CNTNAP2: variants seen among roughly 807,000 people sequenced by gnomAD.
The protein encoded by CNTNAP2 is contactin-associated protein-like 2.
A neutral mutation model predicts 155.2 loss-of-function variants in CNTNAP2; 98 were observed. The observed-to-expected ratio is 0.63, with a 90% CI of 0.54 to 0.75. CNTNAP2 has a LOEUF of 0.75. Among genes scored for constraint, CNTNAP2 ranks in the 30% least tolerant of loss-of-function variants. CNTNAP2 has a pLI of 0.00. For synonymous variants in CNTNAP2, 651 were observed against 631.2 expected (o/e 1.03, Z -0.47); for missense variants, 1,727 against 1,688.1 (o/e 1.02, Z -0.40).
rs1425161311 is a variant in CNTNAP2 at position 146,563,331 on chromosome 7, A to G, written c.98-210940A>G. Among the ~76,000 whole-genome samples the G allele has an allele frequency of 4.6e-5, 7 of 152,136 alleles. No homozygotes were observed. In the East Asian group the frequency reaches 1.4e-3, roughly 29 times the overall value. On this transcript the variant is annotated intron_variant, in intron 1 of 23. Transcript: ENST00000361727. ...CTTTAAGGCTAACTGAGAGCCACAT[A>G]TTCAAAGAAGACTTCCAAACCATTA...
At position 147,633,620 on chromosome 7, in the gene CNTNAP2, G is replaced by A. The variant is rs116658607; in HGVS notation, c.1898-5486G>A. The stretch of plus-strand genomic sequence containing the variant: ...AATTATAGGTCCCATAATCCTATGC[G>A]AGGACCAGATGGAGTTAATTGAATC... On this transcript the variant is annotated intron_variant, in intron 12 of 23. Transcript: ENST00000361727. Among the ~76,000 whole-genome samples, 444 of 152,214 alleles carry A rather than the reference G, an allele frequency of 2.9e-3. 2 individuals carry two copies. Among genetic ancestry groups the A allele is most frequent in the African/African-American group, 1.0e-2 (414 of 41,532 alleles).
In CNTNAP2 at chr7:147,132,456, G is replaced by T. The variant is rs750991896; in HGVS notation, c.1295G>T (p.Gly432Val). ...VEIDLTESKV[G>V]VHINITQTKM... ...ATTGACCTCACTGAAAGCAAAGTGG[G>T]TGTTCACATCAACATCACACAGACC... is the stretch of plus-strand genomic sequence containing the variant. The change falls in exon 8 of 24, where the codon GGT becomes GTT. Residue 432 changes from glycine to valine, a missense_variant. Gly to Val is a moderately radical substitution (Grantham distance 109). Transcript: ENST00000361727. 1.9e-6 allele frequency: 3 copies of T among 1,613,646 alleles called. No individual in the cohort carries two copies. The highest frequency in any genetic ancestry group is 1.7e-5 in the Admixed American group (1 of 59,918).
chr7:148,393,111 T>A (rs991903546), intron 22 of CNTNAP2, among the ~76,000 whole-genome samples: 2 of 151,804 alleles, frequency 1.3e-5, no homozygotes, highest in African/African-American at 4.8e-5. Flanking sequence ...AAGAACTTTT[T>A]AAAATTACAT....
intron 8 of CNTNAP2, among the ~76,000 whole-genome samples, chr7:147,283,464 C>T (rs12531764): frequency 0.42 from 63,498 of 151,412 alleles, 14,043 homozygotes; most frequent in East Asian, 0.76. Context: ...TTAAGCAATA[C>T]GCAGCAAGTA....
At chr7:146,658,343 C>A (rs961920269) in intron 1 of CNTNAP2, among the ~76,000 whole-genome samples, 2 of 149,216 alleles carry the variant, frequency 1.3e-5, no homozygotes, top group South Asian at 2.1e-4. Context: ...GGTGTTTGAA[C>A]GGAGTTTTAA....
intron 9 of CNTNAP2, among the ~76,000 whole-genome samples, chr7:147,386,640 A>G (rs140696274): frequency 6.6e-6 from 1 of 152,124 alleles, no homozygotes; most frequent in Non-Finnish European, 1.5e-5. Flanking sequence ...TTCATTGTCC[A>G]TATCATTATC....
At chr7:146,430,689 C>G (rs918255033) in intron 1 of CNTNAP2, among the ~76,000 whole-genome samples, 1 of 152,004 alleles carries the variant, frequency 6.6e-6, no homozygotes, top group Non-Finnish European at 1.5e-5. Flanking sequence ...AATAGAAATA[C>G]AGGGTGATTA....
At chr7:146,840,543 G>A (rs929656591) in intron 3 of CNTNAP2, among the ~76,000 whole-genome samples, 80 of 151,758 alleles carry the variant, frequency 5.3e-4, no homozygotes, top group African/African-American at 1.9e-3. Context: ...ATTTTAAAAA[G>A]CAGGCATGAC....
chr7:147,225,918 GGAAA>G (rs1271081199), intron 8 of CNTNAP2, among the ~76,000 whole-genome samples: 8 of 116,030 alleles, frequency 6.9e-5, no homozygotes, highest in East Asian at 4.3e-4. Context: ...AAGGAAGGAA[GGAAA>G]GAAGGAAGGA....
At chr7:146,754,569 T>C (rs542376841) in intron 1 of CNTNAP2, among the ~76,000 whole-genome samples, 1 of 151,824 alleles carries the variant, frequency 6.6e-6, no homozygotes, top group East Asian at 1.9e-4. Flanking sequence ...TCTCTCTCTC[T>C]CTCTCTCTCT....
At chr7:146,570,845 A>C (rs1798430380) in intron 1 of CNTNAP2, among the ~76,000 whole-genome samples, 1 of 152,022 alleles carries the variant, frequency 6.6e-6, no homozygotes, top group Non-Finnish European at 1.5e-5. Flanking sequence ...GAATATAGCC[A>C]AAACTTTGAA....
chr7:147,300,930 G>C (rs961032793), intron 9 of CNTNAP2, among the ~76,000 whole-genome samples: 1 of 151,972 alleles, frequency 6.6e-6, no homozygotes, highest in African/African-American at 2.4e-5. Context: ...GGAGGGGAGG[G>C]GAAAGCCAGT....
intron 13 of CNTNAP2, among the ~76,000 whole-genome samples, chr7:147,644,804 A>G (rs1490818437): frequency 6.6e-6 from 1 of 152,204 alleles, no homozygotes; most frequent in Non-Finnish European, 1.5e-5. Context: ...TGTGTATCTT[A>G]CATACATTGT....
intron 3 of CNTNAP2, among the ~76,000 whole-genome samples, chr7:147,030,372 ATTTTATTT>A (rs1365041141): frequency 6.6e-6 from 1 of 152,124 alleles, no homozygotes; most frequent in Non-Finnish European, 1.5e-5. Context: ...AACTGGTTAG[ATTTTATTT>A]AAGATGAGCC....
At chr7:146,820,433 TA>T (rs1803257693) in intron 2 of CNTNAP2, among the ~76,000 whole-genome samples, 1 of 152,200 alleles carries the variant, frequency 6.6e-6, no homozygotes, top group African/African-American at 2.4e-5. Flanking sequence ...TACAGACTTT[TA>T]AAACCTCAGA....
At chr7:146,525,496 T>C (rs1320250160) in intron 1 of CNTNAP2, among the ~76,000 whole-genome samples, 1 of 151,658 alleles carries the variant, frequency 6.6e-6, no homozygotes, top group East Asian at 1.9e-4. Context: ...AGTAAAAGAG[T>C]CAAAAATTAT....
At position 146,475,011 on chromosome 7, in the gene CNTNAP2, G is replaced by GCACA. The variant is rs535358520; in HGVS notation, c.98-299259_98-299258insACAC. The stretch of plus-strand genomic sequence containing the variant: ...AGCACGAGCGCGCACGCGCGCGCGC[G>GCACA]CGCACACACACACACACACACACAC... On this transcript the variant is annotated intron_variant, in intron 1 of 23. Transcript: ENST00000361727. 3.7e-3 allele frequency among the ~76,000 whole-genome samples: 502 copies of GCACA among 134,754 alleles called. 1 individual carries two copies. Among genetic ancestry groups the GCACA allele is most frequent in the South Asian group, 0.012 (52 of 4,304 alleles). 88.4% of individuals were successfully genotyped at this position (134,754 alleles called of 152,430 possible). A position where few individuals can be genotyped will look rare whatever the true frequency, so the allele number is the denominator to read the frequency against.
intron 11 of CNTNAP2, among the ~76,000 whole-genome samples, chr7:147,539,048 A>C (rs1357092846): frequency 6.6e-6 from 1 of 152,202 alleles, no homozygotes; most frequent in African/African-American, 2.4e-5. Context: ...TTATCTAGAC[A>C]GTTCTGATTT....
chr7:146,546,860 G>A (rs561315943), intron 1 of CNTNAP2, among the ~76,000 whole-genome samples: 1 of 152,062 alleles, frequency 6.6e-6, no homozygotes, highest in East Asian at 1.9e-4. Flanking sequence ...CTGCACCCGT[G>A]ATTCAATTAC....
Sources: gnomAD v4.1 joint callset for allele counts (sites outside exome capture counted in the v4.1 genomes callset) on GRCh38, gnomAD v4.1.1 for gene constraint, MANE v1.5 for transcripts, NCBI Gene and HGNC (gene_info 2026-07-23, HGNC 2026-07-21) for gene names.